The following CLDN11 variants were observed in gnomAD, a reference collection of about 807,000 sequenced individuals.
The protein encoded by CLDN11 is claudin-11.
A neutral mutation model predicts 18.0 loss-of-function variants in CLDN11; 1 was observed. The observed-to-expected ratio is 0.06, with a 90% CI of 0.02 to 0.26. CLDN11 has a LOEUF of 0.26. Among genes scored for constraint, CLDN11 ranks in the 10% least tolerant of loss-of-function variants. The pLI, the probability that CLDN11 is intolerant of heterozygous loss-of-function variation, is 1.00. For missense variants in CLDN11, 172 were observed against 276.6 expected (o/e 0.62, Z 2.68); for synonymous variants, 116 against 121.5 (o/e 0.96, Z 0.30).
At chr3:170,422,778 A>G (rs776616154) in intron 1 of CLDN11, among the ~76,000 whole-genome samples, 1 of 152,206 alleles carries the variant, frequency 6.6e-6, no homozygotes, top group African/African-American at 2.4e-5. Flanking sequence ...AACTTGCCCA[A>G]GGTCACACAG....
rs1738657552 is a variant in CLDN11 at position 170,419,153 on chromosome 3, C to G, written c.87C>G (p.Asp29Glu). ...IGVIVTTSTN[D>E]WVVTCGYTIP... Reference sequence around the variant, plus strand: ...TCATCGTGACCACCTCCACCAATGACTGGGTGGTGACCTGCGGCTACACCA... The same window carrying G: ...TCATCGTGACCACCTCCACCAATGAGTGGGTGGTGACCTGCGGCTACACCA... Residue 29 changes from aspartate to glutamate, a missense_variant, in exon 1 of 3, where the codon GAC becomes GAG. Coordinates refer to ENST00000064724, the MANE Select transcript of CLDN11 (RefSeq NM_005602.6). This position sits in a 1 kb window ranked among gnomAD's most constrained non-coding sequence, Gnocchi z 8.6. 2 of 1,552,882 alleles carry G rather than the reference C, an allele frequency of 1.3e-6. No homozygotes were observed. The highest frequency in any genetic ancestry group is 1.4e-5 in the African/African-American group (1 of 73,238).
At chr3:170,430,779 C>T (rs1738982680) in intron 2 of CLDN11, among the ~76,000 whole-genome samples, 1 of 152,024 alleles carries the variant, frequency 6.6e-6, no homozygotes, top group East Asian at 1.9e-4. Flanking sequence ...CTCCTGACCT[C>T]AGGTGATTCG....
At chr3:170,431,809 A>G (rs1739008830) in intron 2 of CLDN11, among the ~76,000 whole-genome samples, 1 of 152,226 alleles carries the variant, frequency 6.6e-6, no homozygotes, top group African/African-American at 2.4e-5. Flanking sequence ...TTTCTACTCC[A>G]AGGACTGTTC....
rs990846512 is a variant in CLDN11 at position 170,419,466 on chromosome 3, C to G, written c.226+174C>G. On this transcript the variant is annotated intron_variant, in intron 1 of 2. Transcript: ENST00000064724. The surrounding 1 kb of genome is among the most constrained non-coding windows in gnomAD (Gnocchi z 8.6). ...TTAGGCAGCCCCGAACTTAACTTCT[C>G]TAGGCCGCAGTATTCTTATCTGGAA... Among the ~76,000 whole-genome samples, 3 of 152,220 alleles carry G rather than the reference C, an allele frequency of 2.0e-5. No homozygotes were observed. The highest frequency in any genetic ancestry group is 1.9e-4 in the East Asian group (1 of 5,186).
In CLDN11 at chr3:170,419,966, G is replaced by T. The variant is rs1258608460; in HGVS notation, c.226+674G>T. Among the ~76,000 whole-genome samples the T allele has an allele frequency of 2.6e-5, 4 of 152,236 alleles. No homozygotes were observed. ...TGCTGTGGGCGCGTCAGACTGCGGG[G>T]CTGCGGTGACGCCGGCTCCCGCTCC... On this transcript the variant is annotated intron_variant, in intron 1 of 2. Transcript: ENST00000064724. The surrounding 1 kb of genome is among the most constrained non-coding windows in gnomAD (Gnocchi z 8.6).
Position 170,432,505 on chromosome 3 carries a change from CCT to C in CLDN11, c.392-15_392-14del, listed in dbSNP as rs781040094. The C allele has an allele frequency of 6.2e-7, 1 of 1,610,526 alleles. No individual in the cohort carries two copies. Reference sequence around the variant, plus strand: ...GTGTGATGGTTGCGCCCAGTCACCGCCTCTCCATGTCTCTCCAGCTCTCTGCG... The same window carrying C: ...GTGTGATGGTTGCGCCCAGTCACCGCCTCCATGTCTCTCCAGCTCTCTGCG... On this transcript the variant is annotated splice_polypyrimidine_tract_variant and intron_variant, in intron 2 of 2. Transcript: ENST00000064724.
intron 2 of CLDN11, 83 bp downstream of exon 2, chr3:170,423,410 C>G: frequency 6.7e-7 from 1 of 1,498,426 alleles, no homozygotes; most frequent in Non-Finnish European, 9.2e-7. Context: ...TTCTCAAGTT[C>G]AAGAGAAATG....
At chr3:170,426,891 C>G (rs1404590790) in intron 2 of CLDN11, among the ~76,000 whole-genome samples, 1 of 152,156 alleles carries the variant, frequency 6.6e-6, no homozygotes, top group East Asian at 1.9e-4. Context: ...AAGCGATTCT[C>G]CTGCCTCAGG....
At chr3:170,432,335 G>A (rs1300842568) in intron 2 of CLDN11, among the ~76,000 whole-genome samples, 189 bp from the exon 3 acceptor site, 1 of 152,156 alleles carries the variant, frequency 6.6e-6, no homozygotes, top group Non-Finnish European at 1.5e-5. Context: ...TAAGGACCCA[G>A]CAGTCTACTT....
chr3:170,420,722 T>C (rs1738704545), intron 1 of CLDN11, among the ~76,000 whole-genome samples: 2 of 152,146 alleles, frequency 1.3e-5, no homozygotes, highest in South Asian at 4.1e-4. Context: ...CATTTTGAAC[T>C]TTCAGAAGGC....
At chr3:170,428,165 T>C (rs1205679843) in intron 2 of CLDN11, among the ~76,000 whole-genome samples, 1 of 151,892 alleles carries the variant, frequency 6.6e-6, no homozygotes, top group African/African-American at 2.4e-5. Context: ...AAAGATTTAT[T>C]GGAAGGAGGA....
chr3:170,423,909 C>G (rs986772602), intron 2 of CLDN11, among the ~76,000 whole-genome samples: 3 of 151,610 alleles, frequency 2.0e-5, no homozygotes, highest in African/African-American at 4.8e-5. Context: ...GTAATCCCAG[C>G]TACTCGGGGC....
Position 170,432,610 on chromosome 3 carries a change from G to A in CLDN11, c.478G>A (p.Ala160Thr), listed in dbSNP as rs1739026522. 6.2e-7 allele frequency: 1 copy of A among 1,613,984 alleles called. No homozygotes were observed. Among genetic ancestry groups the A allele is most frequent in the African/African-American group, 1.3e-5 (1 of 74,888 alleles). ...CGTGAGCTTTGGCTACTCCCTGTAT[G>A]CAGGCTGGATTGGTGCTGTGCTGTG... ...TIVSFGYSLYAGWIGAVLCLV... is the reference protein window; with the variant it reads ...TIVSFGYSLYTGWIGAVLCLV... Residue 160 changes from alanine (A) to threonine (T), a missense_variant, in exon 3 of 3, where the codon GCA (alanine) becomes ACA (threonine). Around this residue, in one of 3 missense-constraint regions of CLDN11, gnomAD observed 161 missense variants for 240.3 expected, o/e 0.67. Coordinates refer to ENST00000064724, the MANE Select transcript of CLDN11 (RefSeq NM_005602.6).
Position 170,432,916 on chromosome 3 carries a change from A to G in CLDN11, c.*160A>G. 1.6e-6 allele frequency: 1 copy of G among 643,810 alleles called. No homozygotes were observed. The highest frequency in any genetic ancestry group is 2.7e-6 in the Non-Finnish European group (1 of 374,164). The allele number at this position is 643,810 out of a possible 1,614,324, so 39.9% of individuals were successfully genotyped here. A position where few individuals can be genotyped will look rare whatever the true frequency, so the allele number is the denominator to read the frequency against. ...CATTTTGTAGTCTTAACTTCTCCCC[A>G]TTTCCCCCATCTTTTGGTTGCCTTA... On this transcript the variant is annotated 3_prime_UTR_variant, in exon 3 of 3. Coordinates refer to ENST00000064724, the MANE Select transcript of CLDN11 (RefSeq NM_005602.6).
In CLDN11 at chr3:170,432,534, C is replaced by T. The variant is rs781262121; in HGVS notation, c.402C>T (p.Ala134=). The T allele has an allele frequency of 2.4e-5, 39 of 1,612,802 alleles. No homozygotes were observed. The highest frequency in any genetic ancestry group is 3.1e-5 in the Non-Finnish European group (36 of 1,180,040). ...GVLLILLALC[A]LVATIWFPVC... ...TCCATGTCTCTCCAGCTCTCTGCGCCCTTGTTGCCACCATCTGGTTCCCTG... is the reference window on the plus strand; with the variant it reads ...TCCATGTCTCTCCAGCTCTCTGCGCTCTTGTTGCCACCATCTGGTTCCCTG... Residue 134 remains alanine (A), a synonymous_variant, in exon 3 of 3, where the codon GCC becomes GCT. Coordinates refer to ENST00000064724, the MANE Select transcript of CLDN11 (RefSeq NM_005602.6).
At chr3:170,425,735 C>A (rs1738838635) in intron 2 of CLDN11, among the ~76,000 whole-genome samples, 1 of 152,154 alleles carries the variant, frequency 6.6e-6, no homozygotes, top group Non-Finnish European at 1.5e-5. Context: ...ACCAGAGTCC[C>A]CTCATTGCCC....
Position 170,433,619 on chromosome 3 carries a change from T to C in CLDN11, c.*863T>C, listed in dbSNP as rs1253298406. On this transcript the variant is annotated 3_prime_UTR_variant, in exon 3 of 3. Transcript: ENST00000064724. The stretch of plus-strand genomic sequence containing the variant: ...CATGGGAAACTTTCCCTTTTGTAAG[T>C]TGAGGGCCAGGGGTAGGGATATTTT... 1.3e-5 allele frequency: 2 copies of C among 152,540 alleles called. No individual in the cohort carries two copies. The highest frequency in any genetic ancestry group is 2.4e-5 in the African/African-American group (1 of 41,398). The allele number at this position is 152,540 out of a possible 1,614,324, so 9.4% of individuals were successfully genotyped here.
intron 2 of CLDN11, among the ~76,000 whole-genome samples, chr3:170,426,843 G>C (rs1389520784): frequency 6.6e-6 from 1 of 151,978 alleles, no homozygotes; most frequent in Non-Finnish European, 1.5e-5. Flanking sequence ...GTGCAGTGGC[G>C]CAATCTTGGC....
chr3:170,422,836 T>C (rs533836696), intron 1 of CLDN11, among the ~76,000 whole-genome samples: 1 of 152,296 alleles, frequency 6.6e-6, no homozygotes, highest in African/African-American at 2.4e-5. Flanking sequence ...CCTCACAGAA[T>C]GATTCTTGGG....
Sources: gnomAD v4.1 joint callset for allele counts (sites outside exome capture counted in the v4.1 genomes callset) on GRCh38, gnomAD v4.1.1 for gene constraint, gnomAD v4.1.1 regional missense constraint, Gnocchi (gnomAD v3.1) non-coding constraint, MANE v1.5 for transcripts, NCBI Gene and HGNC (gene_info 2026-07-23, HGNC 2026-07-21) for gene names.